Variants in UBA6 observed in about 807,000 individuals in gnomAD.
UBA6 encodes the protein ubiquitin-like modifier-activating enzyme 6.
UBA6 carries 87 observed loss-of-function variants against 148.3 expected under a neutral mutation model. The ratio of observed to expected loss-of-function variants is 0.59; its 90% confidence interval spans 0.49 to 0.70. The LOEUF (loss-of-function observed/expected upper bound fraction) is 0.70, where lower values mean the gene tolerates loss of function less well. UBA6 is among the 30% of genes least tolerant of loss of function. The pLI is 0.00. For missense variants in UBA6, 1,186 were observed against 1,241.2 expected, an observed-to-expected ratio of 0.96 and a Z score of 0.67; for synonymous variants, 376 against 401.0, an observed-to-expected ratio of 0.94 and a Z score of 0.75.
At chr4:67,682,834 T>G (rs1326461022) in intron 2 of UBA6, among the ~76,000 whole-genome samples, 4 of 152,212 alleles carry the variant, frequency 2.6e-5, no homozygotes, top group Non-Finnish European at 5.9e-5. Context: ...ATAATATAAA[T>G]TCCAATGAAT....
chr4:67,669,614 T>C (rs551885139), intron 8 of UBA6, among the ~76,000 whole-genome samples: 3 of 152,124 alleles, frequency 2.0e-5, no homozygotes, highest in Non-Finnish European at 4.4e-5. Flanking sequence ...AGTTCTTTTA[T>C]GCAAAAAAAA....
chr4:67,631,777 A>C lies in UBA6; in HGVS notation c.2195-6T>G. On this transcript the variant is annotated splice_region_variant and splice_polypyrimidine_tract_variant and intron_variant, in intron 24 of 32. Transcript: ENST00000322244. The stretch of plus-strand genomic sequence containing the variant: ...TGGTGACTGCCAAAATAAACCTGGC[A>C]AAAAGATACAAATATCATTTTCAAT... 6.2e-7 allele frequency: 1 copy of C among 1,611,530 alleles called. No individual in the cohort carries two copies. Among genetic ancestry groups the C allele is most frequent in the Non-Finnish European group, 8.5e-7 (1 of 1,178,822 alleles).
intron 1 of UBA6, among the ~76,000 whole-genome samples, chr4:67,697,069 G>C (rs185059367): frequency 2.0e-5 from 3 of 152,100 alleles, no homozygotes; most frequent in Admixed American, 2.0e-4. Context: ...GCAGAGGCAC[G>C]ATCTTGGCTT....
At chr4:67,678,393 A>G in intron 5 of UBA6, 46 bp downstream of exon 5, 1 of 1,210,202 alleles carries the variant, frequency 8.3e-7, no homozygotes, top group Non-Finnish European at 1.2e-6. Context: ...TATTTTAAGT[A>G]AATAAATTTA....
chr4:67,687,071 T>G (rs1330641145), intron 2 of UBA6, among the ~76,000 whole-genome samples: 8 of 147,308 alleles, frequency 5.4e-5, no homozygotes, highest in Non-Finnish European at 7.5e-5. Flanking sequence ...AGTCTCACTT[T>G]GTCGCCCAGG....
In UBA6 at chr4:67,687,369, T is replaced by C. The variant is rs572095139; in HGVS notation, c.135-5156A>G. Among the ~76,000 whole-genome samples, 50 of 152,280 alleles carry C rather than the reference T, an allele frequency of 3.3e-4. No individual in the cohort carries two copies. In the Middle Eastern group the frequency reaches 0.014, roughly 41 times the overall value. ...TTAAGATATAAAATATTATTATTCC[T>C]ATTTACACATGAGAAACTGTGTAAA... On this transcript the variant is annotated intron_variant, in intron 2 of 32. Transcript: ENST00000322244.
Position 67,696,675 on chromosome 4 carries a change from G to T in UBA6, c.104C>A (p.Ala35Glu). 6.2e-7 allele frequency: 1 copy of T among 1,607,386 alleles called. No homozygotes were observed. The highest frequency in any genetic ancestry group is 8.5e-7 in the Non-Finnish European group (1 of 1,176,774). The change falls in exon 2 of 33, where the codon GCA becomes GAA. Residue 35 changes from alanine (A) to glutamate (E), a missense_variant. Ala to Glu is a moderately radical substitution (Grantham distance 107). Transcript: ENST00000322244. The part of the protein sequence containing the change: ...TNKNLPIMST[A>E]SVEIDDALYS... Reference sequence around the variant, plus strand: ...CAATGCATCATCGATTTCCACAGATGCTGTTGACATAATGGGCAAATTTTT... The same window carrying T: ...CAATGCATCATCGATTTCCACAGATTCTGTTGACATAATGGGCAAATTTTT...
chr4:67,643,636 T>G (rs1729357270), intron 17 of UBA6, among the ~76,000 whole-genome samples: 1 of 152,054 alleles, frequency 6.6e-6, no homozygotes, highest in African/African-American at 2.4e-5. Flanking sequence ...TTTAGGATTT[T>G]TTCTTCTCTC....
rs1188441915 is a variant in UBA6 at position 67,645,948 on chromosome 4, T to C, written c.1385A>G (p.Asn462Ser). The C allele has an allele frequency of 1.3e-6, 2 of 1,592,056 alleles. No homozygotes were observed. The highest frequency in any genetic ancestry group is 1.3e-5 in the African/African-American group (1 of 74,324). Residue 462 changes from asparagine to serine, a missense_variant, in exon 16 of 33, where the codon AAC becomes AGC. Asn to Ser is a conservative substitution (Grantham distance 46). Coordinates refer to ENST00000322244, the MANE Select transcript of UBA6 (RefSeq NM_018227.6). The part of the protein sequence containing the change: ...DTLCQKLQNL[N>S]IFLVGCGAIG... The stretch of plus-strand genomic sequence containing the variant: ...ATTATTGATACTTACTAAGAAGATG[T>C]TTAAATTTTGCAGTTTCTGACACAA...
chr4:67,679,739 A>G (rs900636867), intron 4 of UBA6, among the ~76,000 whole-genome samples: 1 of 152,166 alleles, frequency 6.6e-6, no homozygotes, highest in African/African-American at 2.4e-5. Flanking sequence ...TAAATATCCT[A>G]TAATCCAAAG....
intron 2 of UBA6, among the ~76,000 whole-genome samples, chr4:67,693,193 C>G (rs1329199447): frequency 6.6e-6 from 1 of 152,084 alleles, no homozygotes; most frequent in African/African-American, 2.4e-5. Context: ...CCTCAGCCTA[C>G]TCAACATGAA....
chr4:67,698,591 G>A (rs1730895823), intron 1 of UBA6, among the ~76,000 whole-genome samples: 1 of 152,148 alleles, frequency 6.6e-6, no homozygotes, highest in African/African-American at 2.4e-5. Context: ...TCTGAACCCA[G>A]GCAGTCTAGC....
Position 67,624,181 on chromosome 4 carries a change from C to T in UBA6, c.2785G>A (p.Ala929Thr). 6.2e-7 allele frequency: 1 copy of T among 1,609,672 alleles called. No homozygotes were observed. Residue 929 changes from alanine (A) to threonine (T), a missense_variant, in exon 30 of 33, where the codon GCC (alanine) becomes ACC (threonine). Physicochemically the swap from Ala to Thr is moderately conservative, Grantham distance 58 (BLOSUM62 0). Coordinates refer to ENST00000322244, the MANE Select transcript of UBA6 (RefSeq NM_018227.6). ...EAYKNCFLNLAIPIVVFTETT... is the reference protein window; with the variant it reads ...EAYKNCFLNLTIPIVVFTETT... ...TCTGTAAATACTACAATTGGAATGG[C>T]TAAGTTAAGAAAACAATTTTTGTAA... is the stretch of plus-strand genomic sequence containing the variant.
At chr4:67,646,455 C>T (rs1490186078) in intron 15 of UBA6, among the ~76,000 whole-genome samples, 1 of 152,150 alleles carries the variant, frequency 6.6e-6, no homozygotes, top group South Asian at 2.1e-4. Context: ...ATAAAGACTG[C>T]AGATAGCAGT....
chr4:67,677,749 G>T, intron 5 of UBA6, 27 bp from the exon 6 acceptor site: 2 of 1,253,122 alleles, frequency 1.6e-6, no homozygotes, highest in Non-Finnish European at 2.3e-6. Context: ...AATTTTTACT[G>T]TTCTTTAATT....
At chr4:67,667,976 C>G (rs1730049987) in intron 9 of UBA6, among the ~76,000 whole-genome samples, 1 of 152,188 alleles carries the variant, frequency 6.6e-6, no homozygotes, top group South Asian at 2.1e-4. Context: ...AGACATCTTC[C>G]TTTAAATACT....
At chr4:67,642,590 A>C (rs1270879266) in intron 17 of UBA6, among the ~76,000 whole-genome samples, 1 of 152,104 alleles carries the variant, frequency 6.6e-6, no homozygotes, top group Non-Finnish European at 1.5e-5. Context: ...TTTGTCAGCT[A>C]TCTTTACTTT....
intron 12 of UBA6, 180 bp from the exon 13 acceptor site, chr4:67,662,435 A>G: frequency 1.9e-6 from 1 of 516,210 alleles, no homozygotes; most frequent in South Asian, 3.5e-5. Context: ...CTTCAAAATC[A>G]CACTTATATC....
At position 67,663,218 on chromosome 4, in the gene UBA6, A is replaced by G. The variant is rs748781621; in HGVS notation, c.961-3T>C. 2 of 1,601,978 alleles carry G rather than the reference A, an allele frequency of 1.2e-6. No homozygotes were observed. Among genetic ancestry groups the G allele is most frequent in the East Asian group, 2.2e-5 (1 of 44,626 alleles). On this transcript the variant is annotated splice_region_variant and splice_polypyrimidine_tract_variant and intron_variant, in intron 11 of 32. Transcript: ENST00000322244. ...GCTGTGTGAATCTCTAAAGGTGCCT[A>G]TTGAGAACATTAAAAATCGGCCAAC...
Sources: gnomAD v4.1 joint callset for allele counts (sites outside exome capture counted in the v4.1 genomes callset) on GRCh38, gnomAD v4.1.1 for gene constraint, MANE v1.5 for transcripts, NCBI Gene and HGNC (gene_info 2026-07-23, HGNC 2026-07-21) for gene names.